Variants in CCDC178 observed in about 807,000 individuals in gnomAD.
The protein encoded by CCDC178 is coiled-coil domain containing 178.
CCDC178 carries 126 observed loss-of-function variants against 117.4 expected under a neutral mutation model. The observed-to-expected ratio is 1.07, with a 90% CI of 0.93 to 1.24. The LOEUF is 1.24. Among genes scored for constraint, CCDC178 ranks in the 50% most tolerant of loss-of-function variants. CCDC178 has a pLI of 0.00. For synonymous variants in CCDC178, 283 were observed against 313.4 expected, an observed-to-expected ratio of 0.90 and a Z score of 1.02; for missense variants, 1,030 against 986.9, an observed-to-expected ratio of 1.04 and a Z score of -0.59.
chr18:33,350,111 A>G (rs550389559), intron 7 of CCDC178, among the ~76,000 whole-genome samples: 17 of 152,142 alleles, frequency 1.1e-4, no homozygotes, highest in Admixed American at 6.5e-4. Context: ...AAAAAATTGA[A>G]AAATAATTGT....
intron 22 of CCDC178, chr18:32,954,130 T>C (rs995421417): frequency 1.3e-5 from 2 of 152,196 alleles, no homozygotes; most frequent in Non-Finnish European, 2.9e-5. Flanking sequence ...ATAAATGAAA[T>C]CTGATATTTT....
At chr18:33,002,968 T>C (rs1190337670) in intron 21 of CCDC178, among the ~76,000 whole-genome samples, 3 of 152,032 alleles carry the variant, frequency 2.0e-5, no homozygotes, top group Admixed American at 6.6e-5. Flanking sequence ...CCTATCAAGA[T>C]TGAACCACGA....
At chr18:33,312,621 C>T (rs2062358428) in intron 11 of CCDC178, among the ~76,000 whole-genome samples, 1 of 152,192 alleles carries the variant, frequency 6.6e-6, no homozygotes, top group African/African-American at 2.4e-5. Flanking sequence ...TTGCTAAAGG[C>T]TAGCCACCTT....
chr18:33,293,061 A>C (rs553906723), intron 12 of CCDC178, 98 bp downstream of exon 12: 1 of 757,838 alleles, frequency 1.3e-6, no homozygotes. Context: ...AAATATAAAA[A>C]AATTGGCCAA....
chr18:32,938,352 T>G lies in CCDC178; in HGVS notation c.2524-261A>C, dbSNP rs560337164. On this transcript the variant is annotated intron_variant, in intron 22 of 22. Coordinates refer to ENST00000383096, the MANE Select transcript of CCDC178 (RefSeq NM_001105528.4). ...GAGACAATTAAATTATTCTACTGCT[T>G]TAGAGATTCTTTTACCCACTATCAT... 65 of 348,480 alleles carry G rather than the reference T, an allele frequency of 1.9e-4. No individual in the cohort carries two copies. In the Middle Eastern group the frequency reaches 2.4e-3, roughly 13 times the overall value. 21.6% of individuals were successfully genotyped at this position (348,480 alleles called of 1,614,324 possible).
chr18:33,158,446 CTAAAA>C (rs2058426352), intron 20 of CCDC178, among the ~76,000 whole-genome samples: 1 of 151,868 alleles, frequency 6.6e-6, no homozygotes, highest in Non-Finnish European at 1.5e-5. Flanking sequence ...TTCATGTACT[CTAAAA>C]TATCAGTTTA....
intron 2 of CCDC178, among the ~76,000 whole-genome samples, chr18:33,426,761 A>C (rs997531351): frequency 6.6e-6 from 1 of 152,178 alleles, no homozygotes; most frequent in Non-Finnish European, 1.5e-5. Flanking sequence ...TTTCCTACTG[A>C]AGAGATCTGA....
At position 33,215,586 on chromosome 18, in the gene CCDC178, T is replaced by C; in HGVS notation, c.2042A>G (p.Glu681Gly). ...AAGTGTCTGATCAAAACTTTTCTTT[T>C]CTTCTTCTTTTGCTTTTAATTCCTC... The part of the protein sequence containing the change: ...LNEELKAKEE[E>G]KKSFDQTLEI... The change falls in exon 19 of 23, where the codon GAA becomes GGA. Residue 681 changes from glutamate (E) to glycine (G), a missense_variant. Physicochemically the swap from Glu to Gly is moderately conservative, Grantham distance 98. Coordinates refer to ENST00000383096, the MANE Select transcript of CCDC178 (RefSeq NM_001105528.4). 1.3e-6 allele frequency: 2 copies of C among 1,486,480 alleles called. No homozygotes were observed. Among genetic ancestry groups the C allele is most frequent in the South Asian group, 1.3e-5 (1 of 75,092 alleles). The allele number at this position is 1,486,480 out of a possible 1,614,324, so 92.1% of individuals were successfully genotyped here. A position where few individuals can be genotyped will look rare whatever the true frequency, so the allele number is the denominator to read the frequency against.
chr18:33,389,696 C>T (rs1206012971), intron 4 of CCDC178, 67 bp from the exon 5 acceptor site: 11 of 723,172 alleles, frequency 1.5e-5, no homozygotes, highest in African/African-American at 3.8e-5. Flanking sequence ...AAAATAAGCA[C>T]CACCATGTAA....
At chr18:33,070,371 A>T (rs540497560) in intron 21 of CCDC178, among the ~76,000 whole-genome samples, 72 of 152,236 alleles carry the variant, frequency 4.7e-4, no homozygotes, top group Non-Finnish European at 9.3e-4. Context: ...TTTCAGCCAC[A>T]TGAATGAAAC....
chr18:33,026,261 C>T (rs536987624), intron 21 of CCDC178, among the ~76,000 whole-genome samples: 1 of 151,960 alleles, frequency 6.6e-6, no homozygotes, highest in Non-Finnish European at 1.5e-5. Context: ...ATGAGGAATC[C>T]TGGTGTTAAT....
intron 20 of CCDC178, among the ~76,000 whole-genome samples, chr18:33,207,944 A>G (rs912662216): frequency 6.6e-6 from 1 of 151,952 alleles, no homozygotes; most frequent in Admixed American, 6.6e-5. Context: ...TTCTAGTGCT[A>G]CCCTCTCCTG....
intron 20 of CCDC178, among the ~76,000 whole-genome samples, chr18:33,179,268 T>C (rs1434484412): frequency 6.7e-6 from 1 of 149,954 alleles, no homozygotes; most frequent in African/African-American, 2.5e-5. Flanking sequence ...TTGTAAAAAA[T>C]ATAGATGTAG....
At chr18:33,272,424 A>G (rs1469796277) in intron 12 of CCDC178, among the ~76,000 whole-genome samples, 4 of 151,630 alleles carry the variant, frequency 2.6e-5, no homozygotes, top group African/African-American at 9.7e-5. Flanking sequence ...CTTCTCACAA[A>G]GATAAGCCTG....
intron 21 of CCDC178, among the ~76,000 whole-genome samples, chr18:33,010,505 G>C (rs1158191734): frequency 1.3e-5 from 2 of 152,112 alleles, no homozygotes; most frequent in Non-Finnish European, 2.9e-5. Context: ...AAATATTTCA[G>C]ACCAAATATT....
chr18:33,208,293 T>C (rs563110773), intron 20 of CCDC178, among the ~76,000 whole-genome samples: 7 of 152,204 alleles, frequency 4.6e-5, no homozygotes, highest in South Asian at 4.1e-4. Context: ...AGGAAATCCA[T>C]TGGTCAGCTC....
intron 15 of CCDC178, among the ~76,000 whole-genome samples, chr18:33,243,246 G>A (rs1461019002): frequency 1.3e-5 from 2 of 151,846 alleles, no homozygotes; most frequent in Non-Finnish European, 2.9e-5. Flanking sequence ...ACTGAAAAGT[G>A]GGGTGGGTTG....
chr18:33,213,479 A>T (rs189310365), intron 19 of CCDC178, among the ~76,000 whole-genome samples: 65 of 152,070 alleles, frequency 4.3e-4, no homozygotes, highest in African/African-American at 1.3e-3. Flanking sequence ...GAGCAGAGAG[A>T]ACCAATGAAA....
chr18:33,143,368 AT>A (rs2058231744), intron 20 of CCDC178, among the ~76,000 whole-genome samples: 2 of 152,242 alleles, frequency 1.3e-5, no homozygotes, highest in East Asian at 3.9e-4. Flanking sequence ...ACCAAAGACT[AT>A]TTTTGTGGTT....
Sources: gnomAD v4.1 joint callset for allele counts (sites outside exome capture counted in the v4.1 genomes callset) on GRCh38, gnomAD v4.1.1 for gene constraint, MANE v1.5 for transcripts, NCBI Gene and HGNC (gene_info 2026-07-23, HGNC 2026-07-21) for gene names.